ACTR3: variants seen among roughly 807,000 people sequenced by gnomAD.
ACTR3 encodes the protein actin-related protein 3.
In ACTR3, 12 loss-of-function variants were observed where a neutral mutation model predicts 56.8. That is an observed-to-expected ratio of 0.21 (90% CI 0.14 to 0.34). The LOEUF is 0.34. Among genes scored for constraint, ACTR3 ranks in the 10% least tolerant of loss-of-function variants. The probability of loss-of-function intolerance (pLI) is 1.00; values close to 1 mark genes in which losing one functional copy is unlikely to be tolerated. For synonymous variants in ACTR3, 162 were observed against 167.4 expected, an observed-to-expected ratio of 0.97 and a Z score of 0.25; for missense variants, 282 against 512.5, an observed-to-expected ratio of 0.55 and a Z score of 4.34.
intron 6 of ACTR3, among the ~76,000 whole-genome samples, chr2:113,937,095 A>G (rs1387847112): frequency 6.6e-6 from 1 of 152,126 alleles, no homozygotes; most frequent in Non-Finnish European, 1.5e-5. Context: ...AGTAGCAAAA[A>G]GTTATCTTTA....
At chr2:113,935,852 G>T (rs1679815066) in intron 6 of ACTR3, among the ~76,000 whole-genome samples, 1 of 152,080 alleles carries the variant, frequency 6.6e-6, no homozygotes. Context: ...GTGAGGCTAG[G>T]ATTTGACCTG....
chr2:113,921,024 G>T (rs1214987462), intron 3 of ACTR3, among the ~76,000 whole-genome samples: 1 of 152,052 alleles, frequency 6.6e-6, no homozygotes, highest in African/African-American at 2.4e-5. Flanking sequence ...TCTATTTGTG[G>T]TTTTTTGAGG....
At chr2:113,911,068 A>G (rs1162998627) in intron 1 of ACTR3, among the ~76,000 whole-genome samples, 2 of 152,168 alleles carry the variant, frequency 1.3e-5, no homozygotes. Context: ...CCATTTGTCC[A>G]CTGGTAAGGT....
At chr2:113,909,244 G>A (rs1191591016) in intron 1 of ACTR3, among the ~76,000 whole-genome samples, 5 of 152,096 alleles carry the variant, frequency 3.3e-5, no homozygotes, top group African/African-American at 1.2e-4. Context: ...GTTTTGAGAA[G>A]AGCATTTTTG....
At chr2:113,893,864 C>G (rs1177851230) in intron 1 of ACTR3, among the ~76,000 whole-genome samples, 1 of 152,128 alleles carries the variant, frequency 6.6e-6, no homozygotes, top group African/African-American at 2.4e-5. Context: ...ATTTTGCTAA[C>G]TGACTTCAAC....
intron 10 of ACTR3, chr2:113,952,498 G>A (rs1473284789): frequency 1.3e-5 from 2 of 151,922 alleles, no homozygotes; most frequent in Non-Finnish European, 2.9e-5. Context: ...TTGAAAAAAG[G>A]TATTTCATGT....
intron 11 of ACTR3, among the ~76,000 whole-genome samples, chr2:113,956,377 A>AT (rs768293151): frequency 0.033 from 4,725 of 141,870 alleles, 148 homozygotes; most frequent in African/African-American, 0.08. Flanking sequence ...TTTGAATTTA[A>AT]TTTTTTTTTT....
chr2:113,921,933 G>A (rs1326526496), intron 3 of ACTR3, among the ~76,000 whole-genome samples: 1 of 152,172 alleles, frequency 6.6e-6, no homozygotes, highest in East Asian at 1.9e-4. Context: ...TTAGGTTTGA[G>A]TAGAGGAGGA....
chr2:113,913,500 G>A (rs1679346087), intron 2 of ACTR3, among the ~76,000 whole-genome samples: 2 of 152,110 alleles, frequency 1.3e-5, no homozygotes, highest in Non-Finnish European at 2.9e-5. Flanking sequence ...AATTTTTAGG[G>A]TGATATTGCA....
At chr2:113,890,996 G>T (rs1186127365) in intron 1 of ACTR3, among the ~76,000 whole-genome samples, 1 of 152,272 alleles carries the variant, frequency 6.6e-6, no homozygotes, top group East Asian at 1.9e-4. Context: ...TGTTACTTCT[G>T]TAGCCTCAAA....
intron 1 of ACTR3, among the ~76,000 whole-genome samples, chr2:113,895,898 GC>G (rs776575326): frequency 1.1e-4 from 16 of 152,066 alleles, no homozygotes; most frequent in Non-Finnish European, 2.4e-4. Context: ...GGTCTCTGTT[GC>G]CCAAACTGGA....
chr2:113,902,388 G>A (rs190268407), intron 1 of ACTR3, among the ~76,000 whole-genome samples: 5 of 149,908 alleles, frequency 3.3e-5, no homozygotes, highest in African/African-American at 1.2e-4. Context: ...GTAAAATGAT[G>A]TATTATATAT....
chr2:113,933,650 TAAG>T (rs150384104), intron 5 of ACTR3, among the ~76,000 whole-genome samples: 6,726 of 151,774 alleles, frequency 0.044, 493 homozygotes, highest in African/African-American at 0.15. Context: ...GGACATAGTT[TAAG>T]TTCTGGCAAG....
chr2:113,915,538 C>T (rs972122281), intron 2 of ACTR3, among the ~76,000 whole-genome samples: 2 of 152,304 alleles, frequency 1.3e-5, no homozygotes, highest in Admixed American at 1.3e-4. Flanking sequence ...CAACCTGTAA[C>T]AATGCTGATG....
intron 7 of ACTR3, 74 bp from the exon 8 acceptor site, chr2:113,942,112 C>T (rs1026000928): frequency 4.5e-6 from 5 of 1,123,594 alleles, no homozygotes; most frequent in Non-Finnish European, 6.1e-6. Context: ...TTATAGTTTA[C>T]TGAAAACATG....
Position 113,957,579 on chromosome 2 carries a change from GATT to G in ACTR3, c.*127_*129del. The G allele has an allele frequency of 1.5e-6, 1 of 645,866 alleles. No individual in the cohort carries two copies. The highest frequency in any genetic ancestry group is 2.4e-5 in the Admixed American group (1 of 41,474). The allele number at this position is 645,866 out of a possible 1,614,324, so 40.0% of individuals were successfully genotyped here. A position where few individuals can be genotyped will look rare whatever the true frequency, so the allele number is the denominator to read the frequency against. On this transcript the variant is annotated 3_prime_UTR_variant, in exon 12 of 12. Transcript: ENST00000263238. ...GACTTGAAATAGTAACACCAAACAT[GATT>G]ATACAGGAATATTTTAATAAGTGTA...
intron 1 of ACTR3, among the ~76,000 whole-genome samples, chr2:113,910,056 TG>T (rs140041916): frequency 0.092 from 13,987 of 152,138 alleles, 1,049 homozygotes; most frequent in African/African-American, 0.2. Flanking sequence ...TGAGTGCTAA[TG>T]GGATGACTGT....
At chr2:113,901,337 A>T (rs1212584796) in intron 1 of ACTR3, among the ~76,000 whole-genome samples, 1 of 152,242 alleles carries the variant, frequency 6.6e-6, no homozygotes, top group East Asian at 1.9e-4. Flanking sequence ...CAGCCTGGGC[A>T]ATAAGAGCGA....
At position 113,942,239 on chromosome 2, in the gene ACTR3, T is replaced by G; in HGVS notation, c.738T>G (p.Asp246Glu). ...PDLVKEFNKY[D>E]TDGSKWIKQY... The stretch of plus-strand genomic sequence containing the variant: ...TAGTAAAAGAATTTAACAAGTATGA[T>G]ACAGATGGGTCAAAATGGATTAAAC... The change falls in exon 8 of 12, where the codon GAT becomes GAG. Residue 246 changes from aspartate (D) to glutamate (E), a missense_variant. Asp to Glu is a conservative substitution (Grantham distance 45, BLOSUM62 2). Coordinates refer to ENST00000263238, the MANE Select transcript of ACTR3 (RefSeq NM_005721.5). 3.7e-6 allele frequency: 6 copies of G among 1,603,822 alleles called. No individual in the cohort carries two copies. Among genetic ancestry groups the G allele is most frequent in the African/African-American group, 1.3e-5 (1 of 74,378 alleles).
Sources: gnomAD v4.1 joint callset for allele counts (sites outside exome capture counted in the v4.1 genomes callset) on GRCh38, gnomAD v4.1.1 for gene constraint, MANE v1.5 for transcripts, NCBI Gene and HGNC (gene_info 2026-07-23, HGNC 2026-07-21) for gene names.